MAGI3: variants seen among roughly 807,000 people sequenced by gnomAD.
MAGI3 encodes the protein membrane-associated guanylate kinase, WW and PDZ domain-containing protein 3.
MAGI3 carries 43 observed loss-of-function variants against 121.8 expected under a neutral mutation model. The observed-to-expected ratio is 0.35, with a 90% CI of 0.28 to 0.46. The LOEUF (loss-of-function observed/expected upper bound fraction) is 0.46. MAGI3 is among the 20% of genes least tolerant of loss of function. The pLI is 1.00. For synonymous variants in MAGI3, 553 were observed against 639.3 expected (o/e 0.86, Z 2.04); for missense variants, 1,547 against 1,797.3 (o/e 0.86, Z 2.52).
At chr1:113,524,252 T>C (rs1347959662) in intron 1 of MAGI3, among the ~76,000 whole-genome samples, 1 of 151,876 alleles carries the variant, frequency 6.6e-6, no homozygotes, top group Admixed American at 6.6e-5. Context: ...AAATGTGGGG[T>C]GGGTATGCCC....
intron 2 of MAGI3, among the ~76,000 whole-genome samples, chr1:113,570,850 C>G (rs1055098431): frequency 6.6e-6 from 1 of 152,130 alleles, no homozygotes; most frequent in Admixed American, 6.6e-5. Context: ...GTTGCCTGTT[C>G]ACTCTGATGA....
At chr1:113,666,798 A>C (rs1308233315) in intron 16 of MAGI3, among the ~76,000 whole-genome samples, 2 of 152,226 alleles carry the variant, frequency 1.3e-5, no homozygotes, top group Non-Finnish European at 2.9e-5. Context: ...ATTTCTTAAA[A>C]TACTAAGACT....
At chr1:113,395,087 G>GTTTTTTTTTTTTTTTTTTTTTTTTTTTTT (rs139532433) in intron 1 of MAGI3, among the ~76,000 whole-genome samples, 1 of 33,244 alleles carries the variant, frequency 3.0e-5, no homozygotes, top group Non-Finnish European at 5.1e-5. Context: ...CTTTTTGTTA[G>GTTTTTTTTTTTTTTTTTTTTTTTTTTTTT]TTTTTTTTTT....
At chr1:113,476,139 C>G (rs562120355) in intron 1 of MAGI3, among the ~76,000 whole-genome samples, 1 of 152,194 alleles carries the variant, frequency 6.6e-6, no homozygotes, top group African/African-American at 2.4e-5. Flanking sequence ...TGCTAGCAGT[C>G]TATCAGTTTT....
At chr1:113,544,308 T>C (rs1659430967) in intron 1 of MAGI3, among the ~76,000 whole-genome samples, 1 of 152,322 alleles carries the variant, frequency 6.6e-6, no homozygotes, top group South Asian at 2.1e-4. Context: ...GACTAGTTTG[T>C]AATATTGGTT....
intron 2 of MAGI3, among the ~76,000 whole-genome samples, chr1:113,550,962 A>G (rs549901741): frequency 0.014 from 1,486 of 105,586 alleles, 10 homozygotes; most frequent in Non-Finnish European, 0.024. Context: ...CCAACAAGAA[A>G]AAAAAAAAAG....
At chr1:113,543,242 A>C (rs963090526) in intron 1 of MAGI3, among the ~76,000 whole-genome samples, 35 of 152,120 alleles carry the variant, frequency 2.3e-4, no homozygotes, top group Admixed American at 1.3e-4. Context: ...CTTATTTTAT[A>C]TTTCAGTCCA....
At chr1:113,639,554 A>G (rs528385309) in intron 9 of MAGI3, among the ~76,000 whole-genome samples, 1 of 151,416 alleles carries the variant, frequency 6.6e-6, no homozygotes, top group East Asian at 1.9e-4. Context: ...GGCGCACGCC[A>G]CCATGCCTGG....
At chr1:113,645,583 G>A (rs936664160) in intron 11 of MAGI3, among the ~76,000 whole-genome samples, 1 of 152,112 alleles carries the variant, frequency 6.6e-6, no homozygotes, top group African/African-American at 2.4e-5. Flanking sequence ...ATGGGGAAGG[G>A]TAGGAGACTA....
intron 16 of MAGI3, among the ~76,000 whole-genome samples, chr1:113,668,983 A>G (rs1033096494): frequency 6.6e-6 from 1 of 152,218 alleles, no homozygotes; most frequent in Non-Finnish European, 1.5e-5. Flanking sequence ...CTTGAAATTG[A>G]TCAGATTACT....
At chr1:113,602,139 G>T (rs1051690827) in intron 6 of MAGI3, among the ~76,000 whole-genome samples, 2 of 152,064 alleles carry the variant, frequency 1.3e-5, no homozygotes, top group African/African-American at 2.4e-5. Flanking sequence ...GAGTTAATGG[G>T]TGCAGCACAC....
At chr1:113,425,678 A>G (rs1015593637) in intron 1 of MAGI3, among the ~76,000 whole-genome samples, 1 of 152,122 alleles carries the variant, frequency 6.6e-6, no homozygotes, top group Non-Finnish European at 1.5e-5. Flanking sequence ...CTTCAAAATT[A>G]TTGAATTTAT....
Position 113,619,727 on chromosome 1 carries a change from A to T in MAGI3, c.1077-9A>T, listed in dbSNP as rs773910065. ...TAAACTGAAATGTATATTTTTCTGC[A>T]TTCTACAGTCACCTTAACCAGAAAA... On this transcript the variant is annotated splice_polypyrimidine_tract_variant and intron_variant, in intron 7 of 20. Transcript: ENST00000307546. 1.1e-5 allele frequency: 18 copies of T among 1,585,886 alleles called. No individual in the cohort carries two copies. The South Asian group carries it at 2.0e-4, about 18-fold the overall frequency.
intron 20 of MAGI3, among the ~76,000 whole-genome samples, chr1:113,681,735 A>G (rs1238856702): frequency 1.3e-5 from 2 of 152,250 alleles, no homozygotes; most frequent in Non-Finnish European, 2.9e-5. Flanking sequence ...CTGTAAAGCA[A>G]GATAAGTTTA....
rs537853402 is a variant in MAGI3 at position 113,684,621 on chromosome 1, A to T, written c.*607A>T. ...TTAAGGAAAAAAAAAATGTAGTCCA[A>T]TATTGATGCTTTCTTATGGCTTTTT... On this transcript the variant is annotated 3_prime_UTR_variant, in exon 21 of 21. Transcript: ENST00000307546. 1 of 152,480 alleles carries T rather than the reference A, an allele frequency of 6.6e-6. No individual in the cohort carries two copies. Among genetic ancestry groups the T allele is most frequent in the South Asian group, 2.1e-4 (1 of 4,828 alleles). 9.4% of individuals were successfully genotyped at this position (152,480 alleles called of 1,614,324 possible).
At chr1:113,674,811 T>C (rs1263514502) in intron 19 of MAGI3, among the ~76,000 whole-genome samples, 1 of 152,160 alleles carries the variant, frequency 6.6e-6, no homozygotes, top group Non-Finnish European at 1.5e-5. Flanking sequence ...AATAAGATAT[T>C]ATCCTCCCTC....
intron 1 of MAGI3, among the ~76,000 whole-genome samples, chr1:113,407,598 T>A (rs920015841): frequency 2.0e-5 from 3 of 152,000 alleles, no homozygotes; most frequent in Non-Finnish European, 4.4e-5. Context: ...CCTTTCAATG[T>A]AAATTGCAAT....
chr1:113,445,026 G>T (rs1654102240), intron 1 of MAGI3, among the ~76,000 whole-genome samples: 1 of 152,130 alleles, frequency 6.6e-6, no homozygotes, highest in Admixed American at 6.5e-5. Flanking sequence ...CAAACTTGAA[G>T]AGAGAATAAT....
At chr1:113,555,535 G>A (rs1264881474) in intron 2 of MAGI3, among the ~76,000 whole-genome samples, 1 of 152,128 alleles carries the variant, frequency 6.6e-6, no homozygotes, top group Admixed American at 6.5e-5. Flanking sequence ...TAGTGCAGAT[G>A]ATACATTTAC....
Sources: allele counts gnomAD v4.1 joint callset (sites outside exome capture counted in the v4.1 genomes callset), GRCh38; gene constraint gnomAD v4.1.1; transcripts MANE v1.5; gene names NCBI Gene and HGNC (gene_info 2026-07-23, HGNC 2026-07-21).